ENTREP2: variants seen among roughly 807,000 people sequenced by gnomAD.
The protein encoded by ENTREP2 is endosomal transmembrane epsin interactor 2.
At chr15:29,256,062 G>A in the ENTREP2 span, among the ~76,000 whole-genome samples, 2 of 150,862 alleles carry the variant, frequency 1.3e-5, no homozygotes, top group African/African-American at 4.9e-5. Flanking sequence ...TGTAGCTGGA[G>A]TCCATATTAT....
chr15:29,671,218 G>A, the ENTREP2 span, among the ~76,000 whole-genome samples: 2 of 152,194 alleles, frequency 1.3e-5, no homozygotes, highest in Non-Finnish European at 2.9e-5. Flanking sequence ...AGAACCTCCT[G>A]GGCTCCGGAC....
chr15:29,277,420 G>C, the ENTREP2 span, among the ~76,000 whole-genome samples: 1 of 152,038 alleles, frequency 6.6e-6, no homozygotes, highest in Non-Finnish European at 1.5e-5. Context: ...TACACAATTT[G>C]GAATATAAAT....
chr15:29,466,196 C>T, the ENTREP2 span, among the ~76,000 whole-genome samples: 1 of 152,104 alleles, frequency 6.6e-6, no homozygotes, highest in Non-Finnish European at 1.5e-5. Flanking sequence ...AACAGTGCCT[C>T]AAAGGGCAGG....
the ENTREP2 span, among the ~76,000 whole-genome samples, chr15:29,224,832 C>T: frequency 5.9e-5 from 9 of 152,190 alleles, no homozygotes; most frequent in Non-Finnish European, 1.0e-4. Flanking sequence ...GACTGGGCAC[C>T]GTGGAGCAGG....
chr15:29,534,583 A>G, the ENTREP2 span, among the ~76,000 whole-genome samples: 28 of 152,338 alleles, frequency 1.8e-4, no homozygotes, highest in African/African-American at 6.0e-4. Context: ...AAATGCCAAG[A>G]TAAGAGTAAA....
chr15:29,410,944 C>T, the ENTREP2 span, among the ~76,000 whole-genome samples: 2 of 152,122 alleles, frequency 1.3e-5, no homozygotes, highest in African/African-American at 4.8e-5. Context: ...CGCCACCGCG[C>T]CCAGCTAATT....
At chr15:29,346,493 T>TAA in the ENTREP2 span, among the ~76,000 whole-genome samples, 1 of 152,056 alleles carries the variant, frequency 6.6e-6, no homozygotes, top group African/African-American at 2.4e-5. Flanking sequence ...CTGTGGTCAG[T>TAA]GTAGAGCCTC....
At chr15:29,575,460 A>T in the ENTREP2 span, among the ~76,000 whole-genome samples, 1 of 152,186 alleles carries the variant, frequency 6.6e-6, no homozygotes, top group East Asian at 1.9e-4. Flanking sequence ...CATGTGGTGA[A>T]TGTCCACATT....
the ENTREP2 span, among the ~76,000 whole-genome samples, chr15:29,384,706 A>C: frequency 6.7e-6 from 1 of 150,276 alleles, no homozygotes. Flanking sequence ...TTCCCTCCAC[A>C]CCCAACCTCC....
chr15:29,650,298 C>T, the ENTREP2 span, among the ~76,000 whole-genome samples: 5 of 152,224 alleles, frequency 3.3e-5, no homozygotes, highest in South Asian at 4.1e-4. Flanking sequence ...GTTACTACTT[C>T]GTCAAAAATC....
the ENTREP2 span, chr15:29,235,235 A>G: frequency 1.9e-6 from 1 of 534,644 alleles, no homozygotes; most frequent in East Asian, 3.5e-5. Flanking sequence ...ATTATAGAAC[A>G]TTTAAAAAAA....
the ENTREP2 span, among the ~76,000 whole-genome samples, chr15:29,181,821 T>A: frequency 6.6e-6 from 1 of 152,196 alleles, no homozygotes. Flanking sequence ...CAAAATGGGA[T>A]TCCCTTCATC....
the ENTREP2 span, among the ~76,000 whole-genome samples, chr15:29,425,613 T>C: frequency 6.6e-6 from 1 of 152,236 alleles, no homozygotes; most frequent in South Asian, 2.1e-4. Flanking sequence ...CATAACTGAA[T>C]TATTTCCTAG....
At chr15:29,144,113 A>T in the ENTREP2 span, among the ~76,000 whole-genome samples, 1 of 152,194 alleles carries the variant, frequency 6.6e-6, no homozygotes, top group South Asian at 2.1e-4. Context: ...ATGCTGAGGA[A>T]AGCACAAAAC....
At chr15:29,229,974 T>A in the ENTREP2 span, among the ~76,000 whole-genome samples, 1 of 147,500 alleles carries the variant, frequency 6.8e-6, no homozygotes, top group Non-Finnish European at 1.5e-5. Context: ...AAAAAAAAAA[T>A]CTCACATACC....
chr15:29,637,788 G>T, the ENTREP2 span, among the ~76,000 whole-genome samples: 2 of 152,158 alleles, frequency 1.3e-5, no homozygotes, highest in African/African-American at 2.4e-5. Flanking sequence ...GAGAAGAGAA[G>T]GTATGAGAGG....
At chr15:29,450,817 A>C in the ENTREP2 span, among the ~76,000 whole-genome samples, 1 of 152,216 alleles carries the variant, frequency 6.6e-6, no homozygotes, top group East Asian at 1.9e-4. Flanking sequence ...AAAGGAACAT[A>C]GATGGCCATT....
the ENTREP2 span, among the ~76,000 whole-genome samples, chr15:29,535,929 G>T: frequency 6.6e-6 from 1 of 152,042 alleles, no homozygotes; most frequent in Non-Finnish European, 1.5e-5. Flanking sequence ...CAAGACACAG[G>T]GGCTAGTCGG....
At chr15:29,199,755 T>G in the ENTREP2 span, among the ~76,000 whole-genome samples, 7 of 152,208 alleles carry the variant, frequency 4.6e-5, no homozygotes. Context: ...GAAGGCCAAC[T>G]TACATATTTT....
Sources: gnomAD v4.1 joint callset for allele counts (sites outside exome capture counted in the v4.1 genomes callset) on GRCh38, gnomAD v4.1.1 for gene constraint, MANE v1.5 for transcripts, NCBI Gene and HGNC (gene_info 2026-07-23, HGNC 2026-07-21) for gene names.